BTBD10: variants seen among roughly 807,000 people sequenced by gnomAD.
BTBD10 encodes the protein BTB/POZ domain-containing protein 10.
A neutral mutation model predicts 53.2 loss-of-function variants in BTBD10; 21 were observed. The observed-to-expected ratio is 0.39, with a 90% confidence interval of 0.28 to 0.57. The LOEUF (loss-of-function observed/expected upper bound fraction) is 0.57. Ranked by LOEUF, BTBD10 falls within the 20% of genes least tolerant of loss-of-function variation. The pLI, the probability that BTBD10 is intolerant of heterozygous loss-of-function variation, is 0.53. For missense variants in BTBD10, 360 were observed against 594.7 expected, an observed-to-expected ratio of 0.61 and a Z score of 4.10; for synonymous variants, 149 against 192.7, an observed-to-expected ratio of 0.77 and a Z score of 1.88.
chr11:13,416,374 AAC>A (rs1950111266), intron 5 of BTBD10, among the ~76,000 whole-genome samples: 1 of 150,744 alleles, frequency 6.6e-6, no homozygotes, highest in Non-Finnish European at 1.5e-5. Context: ...CAACAACAAC[AAC>A]AAAAAAAACC....
chr11:13,447,110 CCTTT>C (rs1393260142), intron 1 of BTBD10, among the ~76,000 whole-genome samples: 1 of 151,988 alleles, frequency 6.6e-6, no homozygotes, highest in Non-Finnish European at 1.5e-5. Context: ...CAGGGATTAA[CCTTT>C]CTTTCTCTTC....
At chr11:13,434,352 T>C (rs552944945) in intron 2 of BTBD10, among the ~76,000 whole-genome samples, 2 of 152,054 alleles carry the variant, frequency 1.3e-5, no homozygotes, top group Non-Finnish European at 2.9e-5. Context: ...AAAGTAGAAC[T>C]CTCTGAGGGG....
At position 13,416,050 on chromosome 11, in the gene BTBD10, A is replaced by G. The variant is rs538829878; in HGVS notation, c.687+1108T>C. Among the ~76,000 whole-genome samples, 3 of 152,170 alleles carry G rather than the reference A, an allele frequency of 2.0e-5. No homozygotes were observed. In the South Asian group the frequency reaches 6.2e-4, roughly 32 times the overall value. The stretch of plus-strand genomic sequence containing the variant: ...AAAAACAGTTAAAACCTCAAAAAAA[A>G]GTTTTAAAACAAAGACGTCAGCTGG... On this transcript the variant is annotated intron_variant, in intron 5 of 8. Coordinates refer to ENST00000278174, the MANE Select transcript of BTBD10 (RefSeq NM_032320.7).
chr11:13,390,227 G>C (rs1353054151), intron 8 of BTBD10, among the ~76,000 whole-genome samples: 1 of 152,040 alleles, frequency 6.6e-6, no homozygotes, highest in African/African-American at 2.4e-5. Flanking sequence ...TTCTGTAAAG[G>C]TCCAGAGTAA....
At chr11:13,423,548 G>C (rs557588713) in intron 2 of BTBD10, among the ~76,000 whole-genome samples, 1 of 152,266 alleles carries the variant, frequency 6.6e-6, no homozygotes, top group South Asian at 2.1e-4. Context: ...GCATTTAGTA[G>C]AAACGCTAAT....
chr11:13,399,152 G>C (rs1416761898), intron 8 of BTBD10, among the ~76,000 whole-genome samples: 1 of 152,126 alleles, frequency 6.6e-6, no homozygotes, highest in Admixed American at 6.5e-5. Context: ...TTTCCAACTT[G>C]GTTCCATTCT....
chr11:13,411,171 T>C (rs1949934524), intron 6 of BTBD10, among the ~76,000 whole-genome samples: 1 of 152,230 alleles, frequency 6.6e-6, no homozygotes, highest in African/African-American at 2.4e-5. Context: ...CCTTAGGATG[T>C]GCCACACACT....
chr11:13,388,743 T>C lies in BTBD10; in HGVS notation c.*88A>G, dbSNP rs1163445125. On this transcript the variant is annotated 3_prime_UTR_variant, in exon 9 of 9. Transcript: ENST00000278174. ...AAACATTGTTATGTGCATCTCACAATGAAGAAGAGTGGCCTTGCAGTGCAG... is the reference window on the plus strand; with the variant it reads ...AAACATTGTTATGTGCATCTCACAACGAAGAAGAGTGGCCTTGCAGTGCAG... The C allele has an allele frequency of 3.0e-6, 4 of 1,351,544 alleles. No homozygotes were observed. The East Asian group carries it at 9.2e-5, about 31-fold the overall frequency. 83.7% of individuals were successfully genotyped at this position (1,351,544 alleles called of 1,614,324 possible).
intron 2 of BTBD10, among the ~76,000 whole-genome samples, chr11:13,444,159 T>C (rs1475954653): frequency 6.6e-6 from 1 of 151,838 alleles, no homozygotes; most frequent in Non-Finnish European, 1.5e-5. Flanking sequence ...TTTCTAGCTA[T>C]AGTATATAAA....
chr11:13,389,556 T>C (rs1001335584), intron 8 of BTBD10, among the ~76,000 whole-genome samples: 9 of 152,006 alleles, frequency 5.9e-5, no homozygotes, highest in African/African-American at 2.2e-4. Flanking sequence ...GTCTCCAGAG[T>C]AGCGCGGATT....
At chr11:13,395,311 T>C (rs1423724803) in intron 8 of BTBD10, among the ~76,000 whole-genome samples, 1 of 152,224 alleles carries the variant, frequency 6.6e-6, no homozygotes, top group Non-Finnish European at 1.5e-5. Flanking sequence ...GAGCTTTTTT[T>C]CATGTGTTTT....
chr11:13,446,362 G>T (rs1591166462), intron 1 of BTBD10, among the ~76,000 whole-genome samples: 1 of 152,182 alleles, frequency 6.6e-6, no homozygotes, highest in East Asian at 1.9e-4. Context: ...CACAAAGAAT[G>T]CCAAAGATAA....
At chr11:13,403,680 C>T (rs931619651) in intron 7 of BTBD10, among the ~76,000 whole-genome samples, 5 of 152,120 alleles carry the variant, frequency 3.3e-5, no homozygotes, top group African/African-American at 1.2e-4. Flanking sequence ...AGTCTAGAGG[C>T]GGAAAAACTG....
chr11:13,462,249 T>C (rs1951117590), intron 1 of BTBD10, among the ~76,000 whole-genome samples: 1 of 152,148 alleles, frequency 6.6e-6, no homozygotes. Flanking sequence ...GTTGTCCAAA[T>C]ACAATTAATA....
chr11:13,432,642 T>C (rs2134000823), intron 2 of BTBD10, among the ~76,000 whole-genome samples: 1 of 151,668 alleles, frequency 6.6e-6, no homozygotes, highest in Non-Finnish European at 1.5e-5. Flanking sequence ...TTCAGTAACA[T>C]AAAAAATGTA....
At chr11:13,457,198 G>T (rs1265293979) in intron 1 of BTBD10, among the ~76,000 whole-genome samples, 1 of 151,786 alleles carries the variant, frequency 6.6e-6, no homozygotes, top group African/African-American at 2.4e-5. Context: ...AAAATAAAAA[G>T]AAAAACACAG....
intron 2 of BTBD10, among the ~76,000 whole-genome samples, chr11:13,423,810 T>G (rs145918993): frequency 8.5e-5 from 13 of 152,308 alleles, no homozygotes; most frequent in African/African-American, 1.9e-4. Flanking sequence ...GAAGATAAAG[T>G]TGACTTTGTA....
chr11:13,457,765 T>C (rs1386702917), intron 1 of BTBD10, among the ~76,000 whole-genome samples: 2 of 152,152 alleles, frequency 1.3e-5, no homozygotes, highest in Non-Finnish European at 2.9e-5. Flanking sequence ...AATAAATTAA[T>C]AAGGGGTGTA....
At chr11:13,404,783 G>A (rs1949782160) in intron 7 of BTBD10, 1 of 183,566 alleles carries the variant, frequency 5.4e-6, no homozygotes, top group African/African-American at 2.4e-5. Context: ...CATAACTTGT[G>A]TTAAAATAAT....
Sources: allele counts gnomAD v4.1 joint callset (sites outside exome capture counted in the v4.1 genomes callset), GRCh38; gene constraint gnomAD v4.1.1; transcripts MANE v1.5; gene names NCBI Gene and HGNC (gene_info 2026-07-23, HGNC 2026-07-21).